The following FOXK1 variants were observed in gnomAD, a reference collection of about 807,000 sequenced individuals.
FOXK1 encodes forkhead box K1.
Under a neutral mutation model 51.9 loss-of-function variants are expected in FOXK1, and 19 were observed. The observed-to-expected ratio is 0.37, with a 90% CI of 0.26 to 0.54. FOXK1 has a LOEUF of 0.54. Ranked by LOEUF, FOXK1 falls within the 20% of genes least tolerant of loss-of-function variation. The pLI is 0.87. For synonymous variants in FOXK1, 537 were observed against 482.6 expected (o/e 1.11, Z -1.48); for missense variants, 870 against 1,032.7 (o/e 0.84, Z 2.16).
At chr7:4,688,338 A>G (rs1166194213) in intron 1 of FOXK1, among the ~76,000 whole-genome samples, 2 of 149,800 alleles carry the variant, frequency 1.3e-5, no homozygotes, top group African/African-American at 4.9e-5. Context: ...CTGTCCTCAA[A>G]TAATCAGTGC....
At position 4,703,716 on chromosome 7, in the gene FOXK1, G is replaced by A. The variant is rs777910268; in HGVS notation, c.560+20848G>A. 6.6e-6 allele frequency among the ~76,000 whole-genome samples: 1 copy of A among 152,140 alleles called. No homozygotes were observed. The highest frequency in any genetic ancestry group is 1.5e-5 in the Non-Finnish European group (1 of 68,024). On this transcript the variant is annotated intron_variant, in intron 1 of 8. Transcript: ENST00000328914. The surrounding 1 kb of genome is among the most constrained non-coding windows in gnomAD (Gnocchi z 5.6). ...CCATGCAATTGACATAGCGCTGCTC[G>A]GGCGACCAGGAGGCCCTTCAGTGCT...
chr7:4,735,512 C>G lies in FOXK1; in HGVS notation c.561-5326C>G, dbSNP rs1780541192. ...AGCTCTTAGTCATTCTCCGTCCCCC[C>G]TGCCTGTCCCACCCGTCACTCCAGC... On this transcript the variant is annotated intron_variant, in intron 1 of 8. Transcript: ENST00000328914. This position sits in a 1 kb window ranked among gnomAD's most constrained non-coding sequence, Gnocchi z 4.7. 6.6e-6 allele frequency among the ~76,000 whole-genome samples: 1 copy of G among 152,196 alleles called. No homozygotes were observed.
At chr7:4,698,310 G>GTGTATATA (rs1308004586) in intron 1 of FOXK1, among the ~76,000 whole-genome samples, 1 of 149,762 alleles carries the variant, frequency 6.7e-6, no homozygotes, top group Non-Finnish European at 1.5e-5. Flanking sequence ...ATGTATGTGT[G>GTGTATATA]TGTATATATA....
At position 4,756,900 on chromosome 7, in the gene FOXK1, C is replaced by G. The variant is rs1780860333; in HGVS notation, c.1051-94C>G. 7.1e-7 allele frequency: 1 copy of G among 1,406,692 alleles called. No individual in the cohort carries two copies. The highest frequency in any genetic ancestry group is 1.4e-5 in the African/African-American group (1 of 70,914). The allele number at this position is 1,406,692 out of a possible 1,614,324, so 87.1% of individuals were successfully genotyped here. Reference sequence around the variant, plus strand: ...GCTCTGCACAGAGGGACGGCCTCCCCTCACCCTGGTCCCGCATCTGCTGCA... The same window carrying G: ...GCTCTGCACAGAGGGACGGCCTCCCGTCACCCTGGTCCCGCATCTGCTGCA... On this transcript the variant is annotated intron_variant, in intron 4 of 8. Coordinates refer to ENST00000328914, the MANE Select transcript of FOXK1 (RefSeq NM_001037165.2). The surrounding 1 kb of genome is among the most constrained non-coding windows in gnomAD (Gnocchi z 4.1).
At chr7:4,685,221 C>CTTTTTTT (rs55891300) in intron 1 of FOXK1, among the ~76,000 whole-genome samples, 9 of 102,626 alleles carry the variant, frequency 8.8e-5, no homozygotes, top group Non-Finnish European at 7.9e-5. Flanking sequence ...GAGCTATTTG[C>CTTTTTTT]TTTTTTTTTT....
At chr7:4,689,647 A>G (rs1779867889) in intron 1 of FOXK1, among the ~76,000 whole-genome samples, 1 of 152,190 alleles carries the variant, frequency 6.6e-6, no homozygotes, top group East Asian at 1.9e-4. Flanking sequence ...CCAACTAGTC[A>G]CTTGAAGAAT....
At chr7:4,714,664 T>C (rs530797337) in intron 1 of FOXK1, among the ~76,000 whole-genome samples, 9 of 152,276 alleles carry the variant, frequency 5.9e-5, no homozygotes, top group Non-Finnish European at 1.2e-4. Context: ...GCTTTGTTTT[T>C]TCAAGGCTCA....
At chr7:4,708,885 T>TGA (rs528878195) in intron 1 of FOXK1, among the ~76,000 whole-genome samples, 68 of 152,024 alleles carry the variant, frequency 4.5e-4, no homozygotes, top group Non-Finnish European at 8.2e-4. Context: ...GTCAACATAG[T>TGA]GAGACCCCGT....
At chr7:4,700,897 C>G (rs1430689162) in intron 1 of FOXK1, among the ~76,000 whole-genome samples, 1 of 152,234 alleles carries the variant, frequency 6.6e-6, no homozygotes, top group Admixed American at 6.5e-5. Flanking sequence ...ATACATGCGT[C>G]TGTGCTGCCA....
intron 1 of FOXK1, among the ~76,000 whole-genome samples, chr7:4,691,421 G>A (rs774270765): frequency 2.6e-5 from 4 of 152,128 alleles, no homozygotes; most frequent in Non-Finnish European, 4.4e-5. Context: ...TGCAGCCTCC[G>A]CCTCCTGGGT....
At chr7:4,697,785 G>A (rs1779972436) in intron 1 of FOXK1, among the ~76,000 whole-genome samples, 1 of 122,924 alleles carries the variant, frequency 8.1e-6, no homozygotes. Flanking sequence ...GTGTGTGTGT[G>A]TGTGTTTCTT....
At position 4,762,338 on chromosome 7, in the gene FOXK1, C is replaced by T; in HGVS notation, c.2076C>T (p.Ala692=). The T allele has an allele frequency of 6.4e-7, 1 of 1,550,940 alleles. No homozygotes were observed. The highest frequency in any genetic ancestry group is 8.7e-7 in the Non-Finnish European group (1 of 1,146,856). Residue 692 remains alanine (A), a synonymous_variant, in exon 9 of 9, where the codon GCC becomes GCT. Transcript: ENST00000328914. This position sits in a 1 kb window ranked among gnomAD's most constrained non-coding sequence, Gnocchi z 5.7. ...TTPATATTAS[A]SASSTGEPEV... is the part of the protein sequence containing the mutation. ...CAGCCACTGCCACCACCGCCTCTGC[C>T]TCCGCCTCTTCCACTGGAGAGCCCG...
chr7:4,693,622 C>T (rs938519921), intron 1 of FOXK1, among the ~76,000 whole-genome samples: 1 of 152,110 alleles, frequency 6.6e-6, no homozygotes, highest in Admixed American at 6.5e-5. Context: ...GCCTTTCAGC[C>T]ACGGATATGG....
In FOXK1 at chr7:4,761,319, A is replaced by G. The variant is rs1370466834; in HGVS notation, c.1921+31A>G. 3 of 1,593,252 alleles carry G rather than the reference A, an allele frequency of 1.9e-6. No homozygotes were observed. The highest frequency in any genetic ancestry group is 2.6e-6 in the Non-Finnish European group (3 of 1,169,392). On this transcript the variant is annotated intron_variant, in intron 8 of 8. Transcript: ENST00000328914. The surrounding 1 kb of genome is among the most constrained non-coding windows in gnomAD (Gnocchi z 6.2). ...GCCCTGGCCCTGTTCTCCATGCCAC[A>G]TCCCAAGCTCTGTGGCTCCCAGTAG...
At chr7:4,741,359 C>T (rs747456254) in intron 2 of FOXK1, among the ~76,000 whole-genome samples, 22 of 151,596 alleles carry the variant, frequency 1.5e-4, no homozygotes, top group Admixed American at 3.3e-4. Context: ...GATGGAGTTT[C>T]GCTCTGTCAC....
At chr7:4,742,570 C>A (rs1426144433) in intron 2 of FOXK1, among the ~76,000 whole-genome samples, 1 of 152,076 alleles carries the variant, frequency 6.6e-6, no homozygotes, top group Admixed American at 6.6e-5. Context: ...GCATGCACCA[C>A]CACACCCACT....
At chr7:4,746,995 C>T (rs1396843017) in intron 2 of FOXK1, among the ~76,000 whole-genome samples, 2 of 152,210 alleles carry the variant, frequency 1.3e-5, no homozygotes, top group Non-Finnish European at 2.9e-5. Flanking sequence ...TTGGGACTTT[C>T]TGTCTTCCTT....
chr7:4,758,987 T>G lies in FOXK1; in HGVS notation c.1245-64T>G. The G allele has an allele frequency of 6.7e-7, 1 of 1,503,590 alleles. No homozygotes were observed. Among genetic ancestry groups the G allele is most frequent in the Non-Finnish European group, 8.9e-7 (1 of 1,128,524 alleles). 93.1% of individuals were successfully genotyped at this position (1,503,590 alleles called of 1,614,324 possible). ...TGACGGCGCTGAGATGCGTGATGTCTCGGAAACGTCCTCGCATCCCTCAGC... is the reference window on the plus strand; with the variant it reads ...TGACGGCGCTGAGATGCGTGATGTCGCGGAAACGTCCTCGCATCCCTCAGC... On this transcript the variant is annotated intron_variant, in intron 5 of 8. Coordinates refer to ENST00000328914, the MANE Select transcript of FOXK1 (RefSeq NM_001037165.2). This position sits in a 1 kb window ranked among gnomAD's most constrained non-coding sequence, Gnocchi z 4.4.
intron 1 of FOXK1, among the ~76,000 whole-genome samples, chr7:4,689,627 A>C (rs1356538679): frequency 1.3e-5 from 2 of 152,202 alleles, no homozygotes; most frequent in African/African-American, 4.8e-5. Flanking sequence ...CCAGTTTCTC[A>C]TGGCTATTTC....
Sources: allele counts gnomAD v4.1 joint callset (sites outside exome capture counted in the v4.1 genomes callset), GRCh38; gene constraint gnomAD v4.1.1; non-coding constraint Gnocchi (gnomAD v3.1); transcripts MANE v1.5; gene names NCBI Gene and HGNC (gene_info 2026-07-23, HGNC 2026-07-21).